The following ZNF704 variants were observed in gnomAD, a reference collection of about 807,000 sequenced individuals.
The protein encoded by ZNF704 is zinc finger protein 704.
ZNF704 carries 10 observed loss-of-function variants against 44.7 expected under a neutral mutation model. The ratio of observed to expected loss-of-function variants is 0.22; its 90% CI spans 0.14 to 0.38. ZNF704 has a LOEUF of 0.38. Among genes scored for constraint, ZNF704 ranks in the 10% least tolerant of loss-of-function variants. The pLI is 1.00. For missense variants in ZNF704, 390 were observed against 545.5 expected, an observed-to-expected ratio of 0.71 and a Z score of 2.84; for synonymous variants, 211 against 207.6, an observed-to-expected ratio of 1.02 and a Z score of -0.14.
rs778004725 is a variant in ZNF704 at position 80,693,024 on chromosome 8, C to T, written c.305G>A (p.Ser102Asn). ...CTTACCGTTCGGCCGCACGGGAGGA[C>T]TTCGAACCAAAGGGCTAGTCGACAA... is the stretch of plus-strand genomic sequence containing the variant. Reference protein sequence around the residue: ...TSLSTSPLVRSPPVRPNESLS... With the variant: ...TSLSTSPLVRNPPVRPNESLS... Residue 102 changes from serine to asparagine, a missense_variant, in exon 3 of 9, where the codon AGT becomes AAT. Ser to Asn is a conservative substitution (Grantham distance 46). Coordinates refer to ENST00000327835, the MANE Select transcript of ZNF704 (RefSeq NM_001033723.3). 6.2e-7 allele frequency: 1 copy of T among 1,614,174 alleles called. No homozygotes were observed.
At chr8:80,768,860 A>G (rs1465431808) in intron 2 of ZNF704, among the ~76,000 whole-genome samples, 1 of 152,170 alleles carries the variant, frequency 6.6e-6, no homozygotes, top group Non-Finnish European at 1.5e-5. Flanking sequence ...CTTCTTCTGG[A>G]GAGCTAGTTG....
At chr8:80,822,027 G>A (rs1808281267) in intron 1 of ZNF704, among the ~76,000 whole-genome samples, 1 of 151,974 alleles carries the variant, frequency 6.6e-6, no homozygotes. Flanking sequence ...CTTTCTTTTT[G>A]GCTAATAATA....
At chr8:80,789,146 CTT>C (rs1379255250) in intron 2 of ZNF704, among the ~76,000 whole-genome samples, 1 of 152,096 alleles carries the variant, frequency 6.6e-6, no homozygotes, top group African/African-American at 2.4e-5. Context: ...TCCAAAAACA[CTT>C]ATTAGGAAGA....
chr8:80,718,121 T>A (rs914391942), intron 2 of ZNF704, among the ~76,000 whole-genome samples: 9 of 152,158 alleles, frequency 5.9e-5, no homozygotes, highest in Non-Finnish European at 1.3e-4. Flanking sequence ...AGATTTTTCA[T>A]CATTTTATTA....
chr8:80,750,026 T>C (rs1056988442), intron 2 of ZNF704, among the ~76,000 whole-genome samples: 1 of 152,166 alleles, frequency 6.6e-6, no homozygotes, highest in Non-Finnish European at 1.5e-5. Context: ...CTTAGTCCTG[T>C]GTCCTGGAAG....
intron 2 of ZNF704, among the ~76,000 whole-genome samples, chr8:80,746,983 G>C (rs1399334619): frequency 2.0e-5 from 3 of 152,094 alleles, no homozygotes; most frequent in Non-Finnish European, 4.4e-5. Flanking sequence ...TATTAAACTG[G>C]AAAATCATGG....
chr8:80,704,732 G>C (rs1433247319), intron 2 of ZNF704, among the ~76,000 whole-genome samples: 1 of 152,208 alleles, frequency 6.6e-6, no homozygotes, highest in East Asian at 1.9e-4. Flanking sequence ...AGGTTCCCAG[G>C]GGGAGGTGCC....
chr8:80,643,560 T>C (rs1393914921), intron 7 of ZNF704, among the ~76,000 whole-genome samples: 1 of 100,074 alleles, frequency 1.0e-5, no homozygotes, highest in Non-Finnish European at 2.1e-5. Context: ...AGAGATGAAA[T>C]GAAATACTTT....
chr8:80,750,766 C>T (rs1168942958), intron 2 of ZNF704, among the ~76,000 whole-genome samples: 4 of 152,170 alleles, frequency 2.6e-5, no homozygotes, highest in African/African-American at 9.6e-5. Context: ...CCACCCACCT[C>T]AGCCTCCCAA....
chr8:80,681,780 A>T (rs1818457536), intron 4 of ZNF704, among the ~76,000 whole-genome samples: 1 of 152,178 alleles, frequency 6.6e-6, no homozygotes, highest in Non-Finnish European at 1.5e-5. Flanking sequence ...ACATTTCTAG[A>T]CATACTGAGT....
intron 6 of ZNF704, among the ~76,000 whole-genome samples, chr8:80,661,549 T>C (rs1355095767): frequency 6.6e-6 from 1 of 152,118 alleles, no homozygotes; most frequent in Non-Finnish European, 1.5e-5. Context: ...TCAACCTAAG[T>C]GTCCATCAAC....
intron 2 of ZNF704, among the ~76,000 whole-genome samples, chr8:80,791,045 G>A (rs1466731822): frequency 1.3e-5 from 2 of 152,060 alleles, no homozygotes; most frequent in African/African-American, 4.8e-5. Flanking sequence ...AGAAAAGGGA[G>A]CACTATAGCA....
chr8:80,750,870 G>A (rs1563540820), intron 2 of ZNF704, among the ~76,000 whole-genome samples: 1 of 152,134 alleles, frequency 6.6e-6, no homozygotes, highest in African/African-American at 2.4e-5. Flanking sequence ...CAAAAGCCAT[G>A]TGTGGCTACT....
intron 2 of ZNF704, among the ~76,000 whole-genome samples, chr8:80,778,969 T>C (rs1586021033): frequency 6.6e-6 from 1 of 151,974 alleles, no homozygotes; most frequent in South Asian, 2.1e-4. Flanking sequence ...ACAAGTTTAC[T>C]TACATAACAA....
chr8:80,779,581 A>G (rs1480823752), intron 2 of ZNF704, among the ~76,000 whole-genome samples: 3 of 152,150 alleles, frequency 2.0e-5, no homozygotes, highest in Non-Finnish European at 4.4e-5. Flanking sequence ...ATAAAGAATG[A>G]CATCTTTACA....
chr8:80,668,066 CAT>C (rs1331041970), intron 5 of ZNF704, among the ~76,000 whole-genome samples: 1 of 152,218 alleles, frequency 6.6e-6, no homozygotes, highest in African/African-American at 2.4e-5. Context: ...CTCCCTGAAA[CAT>C]AGAACATTAT....
At chr8:80,653,067 C>G (rs930782909) in intron 7 of ZNF704, among the ~76,000 whole-genome samples, 80 of 152,248 alleles carry the variant, frequency 5.3e-4, no homozygotes, top group Middle Eastern at 6.8e-3. Flanking sequence ...AAGACAAAAA[C>G]CACATGATTA....
chr8:80,766,510 C>T (rs1383753727), intron 2 of ZNF704, among the ~76,000 whole-genome samples: 2 of 152,160 alleles, frequency 1.3e-5, no homozygotes, highest in Non-Finnish European at 2.9e-5. Flanking sequence ...CTTAATTTAG[C>T]TTCAGTTATC....
chr8:80,821,460 G>A lies in ZNF704; in HGVS notation c.135C>T (p.Asp45=), dbSNP rs1419902395. The A allele has an allele frequency of 1.2e-6, 2 of 1,614,092 alleles. No individual in the cohort carries two copies. The highest frequency in any genetic ancestry group is 1.7e-6 in the Non-Finnish European group (2 of 1,179,992). Residue 45 remains aspartate, a synonymous_variant, in exon 2 of 9, where the codon GAC becomes GAT. Coordinates refer to ENST00000327835, the MANE Select transcript of ZNF704 (RefSeq NM_001033723.3). ...ADTKKASRIL[D]HEKENTRSIC... ...TGGAGCGAGTGTTTTCTTTTTCATG[G>A]TCAAGGATCCGGCTGGCTTTTTTGG...
Sources: gnomAD v4.1 joint callset for allele counts (sites outside exome capture counted in the v4.1 genomes callset) on GRCh38, gnomAD v4.1.1 for gene constraint, MANE v1.5 for transcripts, NCBI Gene and HGNC (gene_info 2026-07-23, HGNC 2026-07-21) for gene names.